The following PCDHGA3 variants were observed in gnomAD, a reference collection of about 807,000 sequenced individuals.
The protein encoded by PCDHGA3 is protocadherin gamma subfamily A, 3.
Under a neutral mutation model 58.5 loss-of-function variants are expected in PCDHGA3, and 40 were observed. The observed-to-expected ratio is 0.68, with a 90% CI of 0.53 to 0.89. PCDHGA3 has a LOEUF of 0.89. Among genes scored for constraint, PCDHGA3 ranks in the 40% least tolerant of loss-of-function variants. The pLI is 0.00. For missense variants in PCDHGA3, 1,223 were observed against 1,195.9 expected (o/e 1.02, Z -0.33); for synonymous variants, 530 against 525.7 (o/e 1.01, Z -0.11).
At chr5:141,413,588 A>C in intron 1 of PCDHGA3, 1 of 1,613,922 alleles carries the variant, frequency 6.2e-7, no homozygotes, top group South Asian at 1.1e-5. Flanking sequence ...CCAAAATTCC[A>C]AGCAGAAAAT....
At chr5:141,366,292 G>A (rs1449441048) in intron 1 of PCDHGA3, 3 of 1,613,732 alleles carry the variant, frequency 1.9e-6, no homozygotes, top group East Asian at 4.5e-5. Context: ...AGCCCCCTCT[G>A]TCAGCCACCT....
intron 1 of PCDHGA3, chr5:141,357,434 G>T: frequency 6.2e-7 from 1 of 1,614,214 alleles, no homozygotes; most frequent in Non-Finnish European, 8.5e-7. Flanking sequence ...GGCGTGGACG[G>T]GGTTCGGGCT....
At chr5:141,362,340 T>C (rs764036848) in intron 1 of PCDHGA3, 2 of 1,614,058 alleles carry the variant, frequency 1.2e-6, no homozygotes, top group African/African-American at 2.7e-5. Flanking sequence ...GCTCCAAGCC[T>C]GGACCTGGGG....
At chr5:141,462,896 A>G (rs1280422442) in intron 1 of PCDHGA3, among the ~76,000 whole-genome samples, 1 of 152,142 alleles carries the variant, frequency 6.6e-6, no homozygotes, top group African/African-American at 2.4e-5. Context: ...TTGTTTTGGA[A>G]GGCTATTATG....
intron 1 of PCDHGA3, chr5:141,355,056 T>A (rs1323351073): frequency 1.6e-6 from 2 of 1,231,662 alleles, no homozygotes; most frequent in Non-Finnish European, 2.2e-6. Flanking sequence ...AAGCACTGGC[T>A]CTGGAGCTTT....
intron 1 of PCDHGA3, among the ~76,000 whole-genome samples, chr5:141,465,116 C>A (rs2099097321): frequency 6.6e-6 from 1 of 150,972 alleles, no homozygotes; most frequent in Non-Finnish European, 1.5e-5. Context: ...AGTGTTTTAG[C>A]CTAAATTTGT....
At chr5:141,434,698 A>G (rs2097710714) in intron 1 of PCDHGA3, among the ~76,000 whole-genome samples, 1 of 152,070 alleles carries the variant, frequency 6.6e-6, no homozygotes, top group South Asian at 2.1e-4. Context: ...GTTAATAAAT[A>G]TGTGGGTAAA....
chr5:141,490,454 C>T lies in PCDHGA3; in HGVS notation c.2425-4353C>T. The T allele has an allele frequency of 3.1e-6, 5 of 1,614,176 alleles. No homozygotes were observed. The highest frequency in any genetic ancestry group is 4.2e-6 in the Non-Finnish European group (5 of 1,180,020). On this transcript the variant is annotated intron_variant, in intron 1 of 3. Transcript: ENST00000253812. The surrounding 1 kb of genome is among the most constrained non-coding windows in gnomAD (Gnocchi z 5.4). The stretch of plus-strand genomic sequence containing the variant: ...ATTAAGCCTTCTGAGAACCACTACT[C>T]GCTGCTAACCAGCCAGCCTTTGGAC...
At chr5:141,346,526 CAT>C (rs1401798182) in intron 1 of PCDHGA3, 69 bp downstream of exon 1, 1 of 1,582,090 alleles carries the variant, frequency 6.3e-7, no homozygotes, top group South Asian at 1.2e-5. Flanking sequence ...AGCTTTAACA[CAT>C]ATGTATTTGA....
rs1259098111 is a variant in PCDHGA3 at position 141,489,418 on chromosome 5, T to C, written c.2425-5389T>C. On this transcript the variant is annotated intron_variant, in intron 1 of 3. Coordinates refer to ENST00000253812, the MANE Select transcript of PCDHGA3 (RefSeq NM_018916.4). This position sits in a 1 kb window ranked among gnomAD's most constrained non-coding sequence, Gnocchi z 4.5. ...TCTGGGCTTAAAGATGACAGATCTGTTGAGCCGGCGGCTGCAATTGGGCTC... is the reference window on the plus strand; with the variant it reads ...TCTGGGCTTAAAGATGACAGATCTGCTGAGCCGGCGGCTGCAATTGGGCTC... The C allele has an allele frequency of 1.2e-6, 2 of 1,614,174 alleles. No individual in the cohort carries two copies. The highest frequency in any genetic ancestry group is 8.5e-7 in the Non-Finnish European group (1 of 1,180,032).
At chr5:141,350,357 T>C (rs562243473) in intron 1 of PCDHGA3, 1 of 1,568,848 alleles carries the variant, frequency 6.4e-7, no homozygotes, top group African/African-American at 1.4e-5. Context: ...GCAGATCCGA[T>C]ACACGATTCC....
At chr5:141,465,852 G>A (rs1250863307) in intron 1 of PCDHGA3, among the ~76,000 whole-genome samples, 1 of 151,996 alleles carries the variant, frequency 6.6e-6, no homozygotes, top group East Asian at 1.9e-4. Context: ...GCTGGGCCCA[G>A]TGGCTCATGC....
chr5:141,422,556 G>T, intron 1 of PCDHGA3: 1 of 1,613,908 alleles, frequency 6.2e-7, no homozygotes, highest in South Asian at 1.1e-5. Context: ...GGCTGAATGT[G>T]GCAGATGACA....
intron 1 of PCDHGA3, chr5:141,375,574 G>A: frequency 6.2e-7 from 1 of 1,614,058 alleles, no homozygotes; most frequent in African/African-American, 1.3e-5. Context: ...ACACCCTCCA[G>A]GGGGCGCCCC....
At chr5:141,451,945 C>T (rs906800803) in intron 1 of PCDHGA3, among the ~76,000 whole-genome samples, 1 of 151,970 alleles carries the variant, frequency 6.6e-6, no homozygotes, top group Non-Finnish European at 1.5e-5. Flanking sequence ...AGGGAAAGAC[C>T]GAGAAAGTGA....
At chr5:141,400,999 TCCTA>T (rs1239504565) in intron 1 of PCDHGA3, among the ~76,000 whole-genome samples, 2 of 152,226 alleles carry the variant, frequency 1.3e-5, no homozygotes, top group African/African-American at 2.4e-5. Flanking sequence ...GCTTTCTTAT[TCCTA>T]CCTAATGGAT....
chr5:141,469,410 A>G (rs2099200490), intron 1 of PCDHGA3, among the ~76,000 whole-genome samples: 1 of 152,128 alleles, frequency 6.6e-6, no homozygotes, highest in Non-Finnish European at 1.5e-5. Context: ...CCCCGTTTCT[A>G]CTAAAAATAT....
At position 141,403,603 on chromosome 5, in the gene PCDHGA3, C is replaced by T. The variant is rs2094431906; in HGVS notation, c.2424+57146C>T. On this transcript the variant is annotated intron_variant, in intron 1 of 3. Coordinates refer to ENST00000253812, the MANE Select transcript of PCDHGA3 (RefSeq NM_018916.4). ...ACCTGGTCCTCACGGCCTCGGATGG[C>T]GGCGAGCCGCGTCGCTCCAGCACAG... 4 of 1,613,762 alleles carry T rather than the reference C, an allele frequency of 2.5e-6. No individual in the cohort carries two copies. The East Asian group carries it at 8.9e-5, about 36-fold the overall frequency.
At position 141,405,363 on chromosome 5, in the gene PCDHGA3, C is replaced by T. The variant is rs765508317; in HGVS notation, c.2424+58906C>T. The T allele has an allele frequency of 2.0e-5, 33 of 1,613,690 alleles. No individual in the cohort carries two copies. The highest frequency in any genetic ancestry group is 2.7e-5 in the African/African-American group (2 of 74,888). On this transcript the variant is annotated intron_variant, in intron 1 of 3. Coordinates refer to ENST00000253812, the MANE Select transcript of PCDHGA3 (RefSeq NM_018916.4). ...GATTCCAAGTTTCCTATAGAAGACACCCCTTTGGTTCCGGTGAGTTCATTT... is the reference window on the plus strand; with the variant it reads ...GATTCCAAGTTTCCTATAGAAGACATCCCTTTGGTTCCGGTGAGTTCATTT...
Sources: allele counts gnomAD v4.1 joint callset (sites outside exome capture counted in the v4.1 genomes callset), GRCh38; gene constraint gnomAD v4.1.1; non-coding constraint Gnocchi (gnomAD v3.1); transcripts MANE v1.5; gene names NCBI Gene and HGNC (gene_info 2026-07-23, HGNC 2026-07-21).